The following BBS9 variants were observed in gnomAD, a reference collection of about 807,000 sequenced individuals.
The protein encoded by BBS9 is Bardet-Biedl syndrome 9.
In BBS9, 89 loss-of-function variants were observed where a neutral mutation model predicts 117.7. The ratio of observed to expected loss-of-function variants is 0.76; its 90% CI spans 0.64 to 0.90. The LOEUF is 0.90. Among genes scored for constraint, BBS9 ranks in the 40% least tolerant of loss-of-function variants. The pLI is 0.00. For missense variants in BBS9, 982 were observed against 1,042.2 expected, an observed-to-expected ratio of 0.94 and a Z score of 0.80; for synonymous variants, 379 against 370.9, an observed-to-expected ratio of 1.02 and a Z score of -0.25.
At chr7:33,340,066 T>C (rs923692146) in intron 10 of BBS9, among the ~76,000 whole-genome samples, 1 of 151,870 alleles carries the variant, frequency 6.6e-6, no homozygotes, top group Non-Finnish European at 1.5e-5. Context: ...TTATGCAACA[T>C]AAACATGTTT....
At chr7:33,306,396 G>A (rs927405052) in intron 9 of BBS9, among the ~76,000 whole-genome samples, 11 of 151,966 alleles carry the variant, frequency 7.2e-5, no homozygotes, top group African/African-American at 1.9e-4. Flanking sequence ...TTCATTTTAT[G>A]TGAAGTCTCT....
chr7:33,335,206 A>C (rs1815067984), intron 9 of BBS9, among the ~76,000 whole-genome samples: 1 of 151,990 alleles, frequency 6.6e-6, no homozygotes, highest in Admixed American at 6.6e-5. Flanking sequence ...AGCAACATTT[A>C]AACATCTTCT....
At position 33,317,396 on chromosome 7, in the gene BBS9, G is replaced by C. The variant is rs149893021; in HGVS notation, c.1017-19045G>C. On this transcript the variant is annotated intron_variant, in intron 9 of 22. Transcript: ENST00000242067. ...AACTTGTTACTTAAAAAAAAAAGCT[G>C]GCTGGGATTTTCATCTGGATTATGT... Among the ~76,000 whole-genome samples, 1,439 of 151,722 alleles carry C rather than the reference G, an allele frequency of 9.5e-3. 8 individuals carry two copies. Among genetic ancestry groups the C allele is most frequent in the Middle Eastern group, 0.031 (9 of 292 alleles).
intron 9 of BBS9, among the ~76,000 whole-genome samples, chr7:33,289,129 C>T (rs960182460): frequency 6.6e-6 from 1 of 152,058 alleles, no homozygotes; most frequent in Non-Finnish European, 1.5e-5. Flanking sequence ...TAGTGCGATT[C>T]AATATTCTAT....
intron 5 of BBS9, among the ~76,000 whole-genome samples, chr7:33,251,554 T>G (rs937306040): frequency 6.6e-6 from 1 of 152,072 alleles, no homozygotes; most frequent in Non-Finnish European, 1.5e-5. Flanking sequence ...GGAAAGAAAA[T>G]TGTGTAAACA....
chr7:33,315,236 T>C (rs1016513480), intron 9 of BBS9, among the ~76,000 whole-genome samples: 2 of 152,174 alleles, frequency 1.3e-5, no homozygotes, highest in Non-Finnish European at 2.9e-5. Flanking sequence ...GAGAATCTGT[T>C]CCATGCCTCT....
chr7:33,411,461 C>T (rs1188702696), intron 19 of BBS9, among the ~76,000 whole-genome samples: 1 of 152,172 alleles, frequency 6.6e-6, no homozygotes, highest in Non-Finnish European at 1.5e-5. Context: ...CTTTGCAAGA[C>T]TGTCTTCTTG....
rs554334492 is a variant in BBS9, at chr7:33,184,360, C to T, written c.442+6769C>T. On this transcript the variant is annotated intron_variant, in intron 5 of 22. Transcript: ENST00000242067. The stretch of plus-strand genomic sequence containing the variant: ...GTGATCCTGTACATGCCTAATCCCC[C>T]CACAGCCATCAGCAAAGAGCGCAAG... Among the ~76,000 whole-genome samples, 3 of 152,280 alleles carry T rather than the reference C, an allele frequency of 2.0e-5. No homozygotes were observed. In the South Asian group the frequency reaches 6.2e-4, roughly 32 times the overall value.
rs112060099 is a variant in BBS9, at chr7:33,129,748, T to G, written c.-305T>G. On this transcript the variant is annotated 5_prime_UTR_variant, in exon 1 of 23. Transcript: ENST00000242067. ...CTTCCAAGGGATAGATGCCGTTTCC[T>G]CTGCTGGTCTCTGGGGGTGACGGGG... The G allele has an allele frequency of 5.4e-3, 828 of 152,668 alleles. 9 individuals are homozygous for G. The highest frequency in any genetic ancestry group is 0.019 in the African/African-American group (779 of 41,496). The allele number at this position is 152,668 out of a possible 1,614,324, so 9.5% of individuals were successfully genotyped here. A position where few individuals can be genotyped will look rare whatever the true frequency, so the allele number is the denominator to read the frequency against.
intron 3 of BBS9, among the ~76,000 whole-genome samples, 173 bp downstream of exon 3, chr7:33,153,024 A>G (rs1337431518): frequency 1.3e-5 from 2 of 152,198 alleles, no homozygotes; most frequent in African/African-American, 4.8e-5. Context: ...CTGTACATTT[A>G]AGATATAATA....
At chr7:33,406,103 A>C (rs551087499) in intron 19 of BBS9, among the ~76,000 whole-genome samples, 83 of 152,172 alleles carry the variant, frequency 5.5e-4, no homozygotes, top group African/African-American at 1.9e-3. Flanking sequence ...TTATGTACCC[A>C]GTAGTCATTC....
chr7:33,403,059 T>G (rs1829202066), intron 19 of BBS9, among the ~76,000 whole-genome samples: 1 of 152,036 alleles, frequency 6.6e-6, no homozygotes. Flanking sequence ...TCCATGGTGT[T>G]TATATACCAT....
At chr7:33,172,824 G>C (rs1469501204) in intron 4 of BBS9, among the ~76,000 whole-genome samples, 1 of 152,072 alleles carries the variant, frequency 6.6e-6, no homozygotes, top group African/African-American at 2.4e-5. Context: ...ATCATCATTT[G>C]TCTCAAACCA....
chr7:33,395,324 C>G (rs182284659), intron 19 of BBS9, among the ~76,000 whole-genome samples: 1 of 152,172 alleles, frequency 6.6e-6, no homozygotes, highest in East Asian at 1.9e-4. Context: ...AAAAGCTTTG[C>G]CAAATAAATT....
intron 9 of BBS9, among the ~76,000 whole-genome samples, chr7:33,280,916 T>TG (rs1473552468): frequency 1.4e-5 from 2 of 146,640 alleles, no homozygotes; most frequent in South Asian, 2.2e-4. Context: ...TTTTTGTTTT[T>TG]TTTTTTTTTT....
chr7:33,241,118 C>T (rs1035738268), intron 5 of BBS9, among the ~76,000 whole-genome samples: 13 of 152,080 alleles, frequency 8.5e-5, no homozygotes, highest in African/African-American at 2.9e-4. Flanking sequence ...GTCAAGATCT[C>T]GAAGTTGACC....
intron 19 of BBS9, among the ~76,000 whole-genome samples, chr7:33,496,821 A>G (rs1323474821): frequency 1.3e-5 from 2 of 152,254 alleles, no homozygotes; most frequent in Admixed American, 6.5e-5. Flanking sequence ...CCTGTCTGGC[A>G]TTTAAACCAT....
At chr7:33,344,745 G>A (rs1817284716) in intron 12 of BBS9, 111 bp downstream of exon 12, 14 of 1,146,776 alleles carry the variant, frequency 1.2e-5, no homozygotes, top group Non-Finnish European at 1.3e-5. Flanking sequence ...ATAAACACTT[G>A]GCATTTGTAG....
chr7:33,164,306 T>C (rs1795324723), intron 4 of BBS9, among the ~76,000 whole-genome samples: 1 of 152,220 alleles, frequency 6.6e-6, no homozygotes, highest in Non-Finnish European at 1.5e-5. Flanking sequence ...ATGTATACTC[T>C]GTTGATTTGG....
Sources: allele counts gnomAD v4.1 joint callset (sites outside exome capture counted in the v4.1 genomes callset), GRCh38; gene constraint gnomAD v4.1.1; transcripts MANE v1.5; gene names NCBI Gene and HGNC (gene_info 2026-07-23, HGNC 2026-07-21).